Variants in MYO18B observed in about 807,000 individuals in gnomAD.
The protein encoded by MYO18B is myosin XVIIIB.
A neutral mutation model predicts 273.0 loss-of-function variants in MYO18B; 204 were observed. The observed-to-expected ratio is 0.75, with a 90% CI of 0.67 to 0.84. The LOEUF is 0.84. Ranked by LOEUF, MYO18B falls within the 40% of genes least tolerant of loss-of-function variation. The probability of loss-of-function intolerance (pLI) is 0.00; values close to 1 mark genes in which losing one functional copy is unlikely to be tolerated. For synonymous variants in MYO18B, 1,330 were observed against 1,305.7 expected, an observed-to-expected ratio of 1.02 and a Z score of -0.40; for missense variants, 3,212 against 3,287.6, an observed-to-expected ratio of 0.98 and a Z score of 0.56.
At chr22:25,773,013 C>T (rs1469227361) in intron 7 of MYO18B, among the ~76,000 whole-genome samples, 1 of 152,162 alleles carries the variant, frequency 6.6e-6, no homozygotes, top group Non-Finnish European at 1.5e-5. Flanking sequence ...TCCTGAGCAC[C>T]CACATCAACG....
intron 12 of MYO18B, among the ~76,000 whole-genome samples, chr22:25,806,477 A>G (rs2088483717): frequency 6.6e-6 from 1 of 152,150 alleles, no homozygotes; most frequent in Non-Finnish European, 1.5e-5. Context: ...CATAGTATCC[A>G]CACTTCCTTT....
chr22:25,980,813 A>G (rs2093141600), intron 39 of MYO18B, among the ~76,000 whole-genome samples: 1 of 152,218 alleles, frequency 6.6e-6, no homozygotes, highest in Admixed American at 6.5e-5. Context: ...AGTGCCACCA[A>G]CTGCATGGCT....
chr22:25,912,474 T>C, intron 33 of MYO18B, among the ~76,000 whole-genome samples: 1 of 152,202 alleles, frequency 6.6e-6, no homozygotes, highest in East Asian at 1.9e-4. Context: ...AAATTTTACA[T>C]GTAAAGAGAA....
At chr22:25,860,204 T>C (rs1403950608) in intron 21 of MYO18B, among the ~76,000 whole-genome samples, 1 of 152,250 alleles carries the variant, frequency 6.6e-6, no homozygotes, top group Non-Finnish European at 1.5e-5. Flanking sequence ...CTGTACTAAT[T>C]AGTAGCATCT....
At chr22:25,785,869 G>A (rs910914317) in intron 11 of MYO18B, among the ~76,000 whole-genome samples, 25 of 152,040 alleles carry the variant, frequency 1.6e-4, no homozygotes, top group Non-Finnish European at 2.9e-4. Context: ...TTGTTGTGAG[G>A]GTGAAATGAC....
In MYO18B at chr22:25,768,604, G is replaced by T; in HGVS notation, c.688G>T (p.Ala230Ser). Reference protein sequence around the residue: ...GLGDPGQGTVALKKGEEGQSI... With the variant: ...GLGDPGQGTVSLKKGEEGQSI... ...TGGGGACCCAGGCCAAGGAACTGTG[G>T]CACTGAAAAAAGGCGAGGAGGGTCA... Residue 230 changes from alanine (A) to serine (S), a missense_variant, in exon 4 of 44, where the codon GCA (alanine) becomes TCA (serine). By Grantham distance (99) the Ala-to-Ser change is moderately conservative. Coordinates refer to ENST00000335473, the MANE Select transcript of MYO18B (RefSeq NM_032608.7). 1 of 1,526,766 alleles carries T rather than the reference G, an allele frequency of 6.5e-7. No individual in the cohort carries two copies. Among genetic ancestry groups the T allele is most frequent in the Non-Finnish European group, 8.8e-7 (1 of 1,141,878 alleles). 94.6% of individuals were successfully genotyped at this position (1,526,766 alleles called of 1,614,324 possible). A position where few individuals can be genotyped will look rare whatever the true frequency, so the allele number is the denominator to read the frequency against.
At chr22:26,019,792 T>C (rs1935665031) in intron 42 of MYO18B, among the ~76,000 whole-genome samples, 2 of 152,268 alleles carry the variant, frequency 1.3e-5, no homozygotes, top group African/African-American at 2.4e-5. Context: ...TAAATCTGCA[T>C]TGAGTTTCCT....
At chr22:25,824,875 A>C (rs966894887) in intron 13 of MYO18B, among the ~76,000 whole-genome samples, 6 of 151,888 alleles carry the variant, frequency 4.0e-5, no homozygotes, top group African/African-American at 9.7e-5. Flanking sequence ...ACACATATGC[A>C]CAGCACAACT....
chr22:25,893,706 A>G (rs2091723445), intron 27 of MYO18B, among the ~76,000 whole-genome samples: 1 of 152,096 alleles, frequency 6.6e-6, no homozygotes, highest in Admixed American at 6.6e-5. Flanking sequence ...AATGATGTAG[A>G]AATCTCTATT....
At chr22:25,975,276 G>T (rs573380104) in intron 39 of MYO18B, among the ~76,000 whole-genome samples, 1 of 152,330 alleles carries the variant, frequency 6.6e-6, no homozygotes, top group East Asian at 1.9e-4. Flanking sequence ...TGGACCATGA[G>T]TGGCCAAGTG....
intron 19 of MYO18B, 34 bp from the exon 20 acceptor site, chr22:25,847,396 A>G: frequency 6.5e-7 from 1 of 1,530,948 alleles, no homozygotes. Context: ...TCTCTGTGAG[A>G]CAACTGGCCC....
At chr22:25,817,535 C>T (rs901137699) in intron 12 of MYO18B, among the ~76,000 whole-genome samples, 4 of 151,840 alleles carry the variant, frequency 2.6e-5, no homozygotes, top group African/African-American at 7.3e-5. Flanking sequence ...CCCAGCCTGC[C>T]TCTTACCAAA....
At chr22:25,759,163 C>A (rs1303630864) in intron 1 of MYO18B, among the ~76,000 whole-genome samples, 4 of 151,992 alleles carry the variant, frequency 2.6e-5, no homozygotes, top group Admixed American at 1.3e-4. Flanking sequence ...ACAAATAATA[C>A]CCCAATATAA....
intron 38 of MYO18B, chr22:25,953,581 C>G (rs1408995168): frequency 6.6e-6 from 1 of 152,102 alleles, no homozygotes; most frequent in Non-Finnish European, 1.5e-5. Flanking sequence ...TTGCTTTGAC[C>G]CTCAGTGGTT....
intron 42 of MYO18B, among the ~76,000 whole-genome samples, chr22:26,017,979 T>G (rs915127923): frequency 1.4e-4 from 19 of 132,466 alleles, no homozygotes; most frequent in African/African-American, 4.8e-4. Flanking sequence ...TTTTTTTTTT[T>G]TTTTTTTTTT....
intron 11 of MYO18B, among the ~76,000 whole-genome samples, chr22:25,786,311 T>G (rs1392068376): frequency 6.6e-6 from 1 of 152,180 alleles, no homozygotes; most frequent in Non-Finnish European, 1.5e-5. Context: ...AGATAGCTGA[T>G]AGAGCTACTT....
chr22:25,829,468 T>C (rs2089624092), intron 15 of MYO18B, among the ~76,000 whole-genome samples: 1 of 151,066 alleles, frequency 6.6e-6, no homozygotes, highest in Admixed American at 6.6e-5. Context: ...AGAAACTCTG[T>C]GTGTGAACCA....
Position 25,955,347 on chromosome 22 carries a change from C to G in MYO18B, c.6139C>G (p.Arg2047Gly). Reference sequence around the variant, plus strand: ...GGTGCAGCGGGAGGCAGAGGCCAGCCGGCGGTGCATGGAGCTGGTGAGTCC... The same window carrying G: ...GGTGCAGCGGGAGGCAGAGGCCAGCGGGCGGTGCATGGAGCTGGTGAGTCC... The part of the protein sequence containing the change: ...ELVQREAEAS[R>G]RCMELEKYVE... Residue 2047 changes from arginine (R) to glycine (G), a missense_variant, in exon 39 of 44, where the codon CGG becomes GGG. Physicochemically the swap from Arg to Gly is moderately radical, Grantham distance 125. Coordinates refer to ENST00000335473, the MANE Select transcript of MYO18B (RefSeq NM_032608.7). The G allele has an allele frequency of 6.2e-7, 1 of 1,613,196 alleles. No homozygotes were observed. Among genetic ancestry groups the G allele is most frequent in the Non-Finnish European group, 8.5e-7 (1 of 1,179,630 alleles).
At chr22:25,964,956 C>T (rs1421301920) in intron 39 of MYO18B, 1 of 152,216 alleles carries the variant, frequency 6.6e-6, no homozygotes, top group African/African-American at 2.4e-5. Context: ...AATCCAATCC[C>T]AACCTTCCTG....
Sources: allele counts gnomAD v4.1 joint callset (sites outside exome capture counted in the v4.1 genomes callset), GRCh38; gene constraint gnomAD v4.1.1; transcripts MANE v1.5; gene names NCBI Gene and HGNC (gene_info 2026-07-23, HGNC 2026-07-21).